KPTN: variants seen among roughly 807,000 people sequenced by gnomAD.
KPTN encodes the protein kaptin, actin binding protein.
A neutral mutation model predicts 52.6 loss-of-function variants in KPTN; 36 were observed. That is an observed-to-expected ratio of 0.68 (90% CI 0.52 to 0.90). The LOEUF is 0.90. Ranked by LOEUF, KPTN falls within the 40% of genes least tolerant of loss-of-function variation. The probability of loss-of-function intolerance (pLI) is 0.00; values close to 1 mark genes in which losing one functional copy is unlikely to be tolerated. For missense variants in KPTN, 529 were observed against 576.2 expected (o/e 0.92, Z 0.84); for synonymous variants, 271 against 248.4 (o/e 1.09, Z -0.85).
At chr19:47,485,491 A>G (rs536960684), upstream of KPTN, among the ~76,000 whole-genome samples, 2 of 152,330 alleles carry the variant, frequency 1.3e-5, no homozygotes, top group East Asian at 1.9e-4. Flanking sequence ...TATCATTTCC[A>G]GAAGACATGG....
intron 1 of KPTN, 113 bp from the exon 2 acceptor site, chr19:47,483,697 C>T: frequency 1.1e-6 from 1 of 910,810 alleles, no homozygotes; most frequent in Non-Finnish European, 1.7e-6. Context: ...GAGTCCTGAC[C>T]ACCATCACCT....
chr19:47,475,805 A>G lies in KPTN; in HGVS notation c.1183-261T>C, dbSNP rs781106459. Among the ~76,000 whole-genome samples the G allele has an allele frequency of 1.1e-4, 17 of 152,000 alleles. 1 individual carries two copies. Among genetic ancestry groups the G allele is most frequent in the Non-Finnish European group, 2.2e-4 (15 of 67,998 alleles). On this transcript the variant is annotated intron_variant, in intron 11 of 11. Coordinates refer to ENST00000338134, the MANE Select transcript of KPTN (RefSeq NM_007059.4). ...AGATTAGAAGGAATATAAAAGGAAT[A>G]TAAAATTTAGCCAAGCTTGGTGGCA...
At chr19:47,480,664 T>C in intron 6 of KPTN, 96 bp downstream of exon 6, 2 of 1,134,978 alleles carry the variant, frequency 1.8e-6, no homozygotes, top group Middle Eastern at 2.7e-4. Flanking sequence ...TTTTCTGAGC[T>C]CCTCCCCGGT....
rs1306606058 is a variant in KPTN at position 47,480,419 on chromosome 19, G to A, written c.600-12C>T. The A allele has an allele frequency of 6.5e-7, 1 of 1,534,946 alleles. No individual in the cohort carries two copies. The highest frequency in any genetic ancestry group is 2.0e-5 in the Admixed American group (1 of 50,352). On this transcript the variant is annotated splice_polypyrimidine_tract_variant and intron_variant, in intron 6 of 11. Coordinates refer to ENST00000338134, the MANE Select transcript of KPTN (RefSeq NM_007059.4). The stretch of plus-strand genomic sequence containing the variant: ...CCAGCCAGAGGACGCTGGCGGGCGG[G>A]TGGATGGACAGGACGGACGGCCATT...
rs1967690194 is a variant in KPTN, at chr19:47,476,886, G to A, written c.916C>T (p.Gln306Ter). The A allele has an allele frequency of 6.4e-7, 1 of 1,563,858 alleles. No homozygotes were observed. Among genetic ancestry groups the A allele is most frequent in the Non-Finnish European group, 8.7e-7 (1 of 1,153,604 alleles). Residue 306 changes from glutamine to a stop codon, truncating the protein, a stop_gained, in exon 10 of 12, where the codon CAG (glutamine) becomes TAG (stop). Coordinates refer to ENST00000338134, the MANE Select transcript of KPTN (RefSeq NM_007059.4). LOFTEE classifies it high-confidence loss of function. The stretch of plus-strand genomic sequence containing the variant: ...AGGCTGCAGAGGACGCTGTCAAACT[G>A]GTCACTGCCGGGCAGGAGAAGCTGG... ...EDQLLLPGSD[Q>*]FDSVLCSLVT...
intron 9 of KPTN, 77 bp from the exon 10 acceptor site, chr19:47,477,015 T>A: frequency 2.1e-6 from 3 of 1,437,434 alleles, no homozygotes; most frequent in Non-Finnish European, 2.8e-6. Flanking sequence ...CTAAGCTGGG[T>A]ACCGGTACTG....
intron 2 of KPTN, 25 bp from the exon 3 acceptor site, chr19:47,483,404 G>A (rs752635778): frequency 1.2e-6 from 2 of 1,609,698 alleles, no homozygotes; most frequent in Non-Finnish European, 1.7e-6. Flanking sequence ...GGGGTTCAGG[G>A]GAGGGCAGGG....
intron 6 of KPTN, 82 bp from the exon 7 acceptor site, chr19:47,480,489 C>T: frequency 9.7e-7 from 1 of 1,033,980 alleles, no homozygotes; most frequent in South Asian, 1.6e-5. Context: ...GGCAGCCGCC[C>T]CTCCCTGTAG....
chr19:47,483,424 G>A (rs1195738017), intron 2 of KPTN, 45 bp from the exon 3 acceptor site: 18 of 1,602,470 alleles, frequency 1.1e-5, no homozygotes, highest in African/African-American at 2.7e-5. Flanking sequence ...GGTGGCAGGA[G>A]GGATCCGGGG....
upstream of KPTN, among the ~76,000 whole-genome samples, chr19:47,485,713 G>A (rs1396237250): frequency 1.3e-5 from 2 of 152,240 alleles, no homozygotes; most frequent in African/African-American, 4.8e-5. Flanking sequence ...GTTCTCAAAG[G>A]CAGACTGGAT....
At position 47,480,770 on chromosome 19, in the gene KPTN, G is replaced by A. The variant is rs1439692108; in HGVS notation, c.589C>T (p.Leu197=). The change falls in exon 6 of 12, where the codon CTG becomes TTG. Residue 197 remains leucine, a synonymous_variant. Coordinates refer to ENST00000338134, the MANE Select transcript of KPTN (RefSeq NM_007059.4). The part of the protein sequence containing the change: ...VENLFPELTN[L]TSSVLWLDVH... ...CGGGGCCTCTCCTACCTACTGGTCA[G>A]GTTCGTCAGCTCTGGGAAGAGGTTT... The A allele has an allele frequency of 6.2e-7, 1 of 1,614,034 alleles. No homozygotes were observed.
At chr19:47,485,575 T>G (rs1320352672), upstream of KPTN, among the ~76,000 whole-genome samples, 1 of 152,226 alleles carries the variant, frequency 6.6e-6, no homozygotes, top group African/African-American at 2.4e-5. Context: ...CTGATCTCCC[T>G]TGATCACGGC....
rs917536364 is a variant in KPTN at position 47,477,658 on chromosome 19, G to A, written c.863+48C>T. 4.3e-6 allele frequency: 6 copies of A among 1,396,542 alleles called. No homozygotes were observed. In the South Asian group the frequency reaches 5.8e-5, roughly 13 times the overall value. 86.5% of individuals were successfully genotyped at this position (1,396,542 alleles called of 1,614,324 possible). On this transcript the variant is annotated intron_variant, in intron 9 of 11. Transcript: ENST00000338134. ...GAGAATGACAAGGTTAGACCACAGTGCAAAGAAAGAAGGTTAGACCACACC... is the reference window on the plus strand; with the variant it reads ...GAGAATGACAAGGTTAGACCACAGTACAAAGAAAGAAGGTTAGACCACACC...
chr19:47,483,537 TGGG>T lies in KPTN; in HGVS notation c.271_273del (p.Pro91del). 4 of 1,580,276 alleles carry T rather than the reference TGGG, an allele frequency of 2.5e-6. No individual in the cohort carries two copies. Among genetic ancestry groups the T allele is most frequent in the Non-Finnish European group, 3.4e-6 (4 of 1,162,516 alleles). ...GTGATCCCCACAACCAGACCCCGCT[TGGG>T]GGGTGACTTGTTGAAAGTGTCGATG... On this transcript the variant is annotated inframe_deletion, in exon 2 of 12. Transcript: ENST00000338134.
At chr19:47,483,860 C>T in intron 1 of KPTN, 75 bp downstream of exon 1, 1 of 1,584,520 alleles carries the variant, frequency 6.3e-7, no homozygotes, top group Non-Finnish European at 8.6e-7. Context: ...GGTGACCCGG[C>T]TCAGACAGAG....
intron 8 of KPTN, among the ~76,000 whole-genome samples, chr19:47,478,376 G>C (rs997115650): frequency 5.3e-5 from 8 of 151,690 alleles, no homozygotes; most frequent in Non-Finnish European, 7.4e-5. Flanking sequence ...TCAAGAGTTC[G>C]AGACTAGCCT....
At chr19:47,476,102 G>A (rs529601083) in intron 11 of KPTN, 1 of 152,232 alleles carries the variant, frequency 6.6e-6, no homozygotes, top group East Asian at 2.0e-4. Flanking sequence ...GAGGCCAGAA[G>A]TTTGAGACTA....
chr19:47,478,961 G>C (rs980922667), intron 8 of KPTN, among the ~76,000 whole-genome samples: 2 of 152,228 alleles, frequency 1.3e-5, no homozygotes, highest in Admixed American at 1.3e-4. Context: ...TGGGTGATGG[G>C]TGTGCTAAGA....
At chr19:47,482,215 G>A (rs10416354) in intron 4 of KPTN, among the ~76,000 whole-genome samples, 3,404 of 152,272 alleles carry the variant, frequency 0.022, 121 homozygotes, top group African/African-American at 0.077. Flanking sequence ...CCGGCCAGGC[G>A]TGGTGGCTCA....
Sources: gnomAD v4.1 joint callset for allele counts (sites outside exome capture counted in the v4.1 genomes callset) on GRCh38, gnomAD v4.1.1 for gene constraint, MANE v1.5 for transcripts, NCBI Gene and HGNC (gene_info 2026-07-23, HGNC 2026-07-21) for gene names.